The following LINGO2 variants were observed in gnomAD, a reference collection of about 807,000 sequenced individuals.
The protein encoded by LINGO2 is leucine rich repeat and Ig domain containing 2, also known as leucine-rich repeat and immunoglobulin-like domain-containing nogo receptor-interacting protein 2.
Under a neutral mutation model 30.6 loss-of-function variants are expected in LINGO2, and 14 were observed. That is an observed-to-expected ratio of 0.46 (90% CI 0.30 to 0.72). The LOEUF (loss-of-function observed/expected upper bound fraction) is 0.72, where lower values mean the gene tolerates loss of function less well. Among genes scored for constraint, LINGO2 ranks in the 30% least tolerant of loss-of-function variants. The pLI is 0.07. For synonymous variants in LINGO2, 317 were observed against 288.5 expected (o/e 1.10, Z -1.00); for missense variants, 729 against 751.7 (o/e 0.97, Z 0.35).
At chr9:29,003,124 A>C in the LINGO2 span, among the ~76,000 whole-genome samples, 1 of 151,998 alleles carries the variant, frequency 6.6e-6, no homozygotes, top group Non-Finnish European at 1.5e-5. Flanking sequence ...TAAGGAATGG[A>C]ACAGATTCTC....
Position 28,147,528 on chromosome 9 carries a change from G to C in LINGO2, c.-86-135123C>G, listed in dbSNP as rs1472570101. Among the ~76,000 whole-genome samples the C allele has an allele frequency of 2.0e-5, 3 of 152,184 alleles. No individual in the cohort carries two copies. Among genetic ancestry groups the C allele is most frequent in the African/African-American group, 4.8e-5 (2 of 41,458 alleles). ...CAGAGGCACTGGAGAGGCCCCGGGG[G>C]AGCCTGGCGGGATCTGGCTGGTCCT... is the stretch of plus-strand genomic sequence containing the variant. On this transcript the variant is annotated intron_variant, in intron 4 of 5. Transcript: ENST00000379992. The surrounding 1 kb of genome is among the most constrained non-coding windows in gnomAD (Gnocchi z 4.7).
At chr9:28,656,448 C>T (rs1435877769) in intron 1 of LINGO2, among the ~76,000 whole-genome samples, 1 of 151,922 alleles carries the variant, frequency 6.6e-6, no homozygotes, top group East Asian at 2.0e-4. Context: ...CATCATGAGC[C>T]TTCTTGTATG....
At chr9:28,991,139 A>C in the LINGO2 span, among the ~76,000 whole-genome samples, 44 of 152,290 alleles carry the variant, frequency 2.9e-4, no homozygotes, top group Non-Finnish European at 4.4e-4. Flanking sequence ...CGAATGTATA[A>C]CTAGAATAAC....
intron 5 of LINGO2, among the ~76,000 whole-genome samples, chr9:27,995,476 T>C (rs985037976): frequency 1.3e-5 from 2 of 152,068 alleles, no homozygotes; most frequent in Non-Finnish European, 2.9e-5. Flanking sequence ...GATGCAGACA[T>C]CCTAAACAAA....
intron 5 of LINGO2, among the ~76,000 whole-genome samples, chr9:27,973,758 C>T (rs537322322): frequency 1.1e-4 from 16 of 151,988 alleles, no homozygotes; most frequent in East Asian, 1.9e-4. Flanking sequence ...ATTGCCATTG[C>T]GAGAAAAAAA....
chr9:28,293,574 T>C (rs1378782574), intron 4 of LINGO2, among the ~76,000 whole-genome samples: 1 of 152,140 alleles, frequency 6.6e-6, no homozygotes, highest in East Asian at 1.9e-4. Flanking sequence ...GGGTGGAGTG[T>C]TCTATAAATG....
chr9:28,499,460 G>C (rs767145826), intron 1 of LINGO2, among the ~76,000 whole-genome samples: 4 of 152,098 alleles, frequency 2.6e-5, no homozygotes, highest in Non-Finnish European at 5.9e-5. Flanking sequence ...TAAATATCTT[G>C]TTCTGTTGTA....
chr9:28,293,267 T>C (rs1206472716), intron 4 of LINGO2, among the ~76,000 whole-genome samples: 1 of 151,972 alleles, frequency 6.6e-6, no homozygotes, highest in African/African-American at 2.4e-5. Context: ...TCGACTAATT[T>C]TTTAAAATTT....
intron 4 of LINGO2, among the ~76,000 whole-genome samples, chr9:28,237,126 G>A (rs1413731475): frequency 7.5e-6 from 1 of 133,322 alleles, no homozygotes; most frequent in African/African-American, 2.8e-5. Flanking sequence ...GCGGGGGGGG[G>A]GTAAAGTTAA....
intron 1 of LINGO2, among the ~76,000 whole-genome samples, chr9:28,665,010 T>C (rs1449437790): frequency 1.2e-4 from 11 of 88,900 alleles, no homozygotes; most frequent in Non-Finnish European, 2.1e-4. Context: ...TATATATATA[T>C]ATATATATAT....
the LINGO2 span, among the ~76,000 whole-genome samples, chr9:28,738,325 A>G: frequency 6.6e-6 from 1 of 152,078 alleles, no homozygotes; most frequent in Non-Finnish European, 1.5e-5. Context: ...TTTCAAAGCT[A>G]GCAACCAAAT....
At chr9:28,139,354 C>T (rs1445964941) in intron 4 of LINGO2, among the ~76,000 whole-genome samples, 1 of 152,158 alleles carries the variant, frequency 6.6e-6, no homozygotes, top group African/African-American at 2.4e-5. Context: ...GATACATGTG[C>T]ATGTGGAATA....
chr9:29,147,150 T>C, the LINGO2 span, among the ~76,000 whole-genome samples: 1 of 152,116 alleles, frequency 6.6e-6, no homozygotes, highest in Non-Finnish European at 1.5e-5. Flanking sequence ...AAATGTTTTT[T>C]CATATTGCAT....
At chr9:29,178,668 G>A in the LINGO2 span, among the ~76,000 whole-genome samples, 1 of 152,138 alleles carries the variant, frequency 6.6e-6, no homozygotes, top group Non-Finnish European at 1.5e-5. Context: ...TATAGGGAAG[G>A]AAACCTCCTC....
rs1482017266 is a variant in LINGO2 at position 28,454,314 on chromosome 9, ATTTTT to A, written c.-279+21621_-279+21625del. 1.1e-4 allele frequency among the ~76,000 whole-genome samples: 16 copies of A among 152,042 alleles called. No individual in the cohort carries two copies. In the East Asian group the frequency reaches 3.1e-3, roughly 29 times the overall value. The stretch of plus-strand genomic sequence containing the variant: ...AAATTGTTTTTCAACTTTTGCACTT[ATTTTT>A]AAGCTGTGTCTCTGTTACCTCTCCT... On this transcript the variant is annotated intron_variant, in intron 2 of 5. Transcript: ENST00000379992.
intron 4 of LINGO2, among the ~76,000 whole-genome samples, chr9:28,150,237 C>T (rs143619577): frequency 0.012 from 1,795 of 152,056 alleles, 33 homozygotes; most frequent in African/African-American, 0.041. Context: ...GCCCCCTCAC[C>T]ATCTGGGAAG....
intron 1 of LINGO2, among the ~76,000 whole-genome samples, chr9:28,579,405 C>G (rs2135641657): frequency 1.3e-5 from 2 of 152,020 alleles, no homozygotes; most frequent in Non-Finnish European, 2.9e-5. Context: ...TCATCACTGA[C>G]AAAACAATAC....
intron 3 of LINGO2, among the ~76,000 whole-genome samples, chr9:28,340,939 G>A (rs1825745610): frequency 6.6e-6 from 1 of 152,044 alleles, no homozygotes; most frequent in Admixed American, 6.6e-5. Flanking sequence ...AGAGCACAGT[G>A]TATCTTTTCC....
At chr9:28,063,376 A>G (rs4878678) in intron 4 of LINGO2, among the ~76,000 whole-genome samples, 136,362 of 151,968 alleles carry the variant, frequency 0.9, 61,580 homozygotes, top group Admixed American at 0.95. Flanking sequence ...TATGCCAGGC[A>G]CTATGCTTAA....
Sources: allele counts gnomAD v4.1 joint callset (sites outside exome capture counted in the v4.1 genomes callset), GRCh38; gene constraint gnomAD v4.1.1; non-coding constraint Gnocchi (gnomAD v3.1); transcripts MANE v1.5; gene names NCBI Gene and HGNC (gene_info 2026-07-23, HGNC 2026-07-21).